The following HACL1 variants were observed in gnomAD, a reference collection of about 807,000 sequenced individuals.
HACL1 encodes the protein 1600020H07Rik.
A neutral mutation model predicts 74.2 loss-of-function variants in HACL1; 64 were observed. That is an observed-to-expected ratio of 0.86 (90% CI 0.70 to 1.06). HACL1 has a LOEUF of 1.06. Ranked by LOEUF, HACL1 falls within the 50% of genes least tolerant of loss-of-function variation. The pLI, the probability that HACL1 is intolerant of heterozygous loss-of-function variation, is 0.00. For synonymous variants in HACL1, 230 were observed against 238.8 expected (o/e 0.96, Z 0.34); for missense variants, 728 against 719.7 (o/e 1.01, Z -0.13).
chr3:15,596,976 G>C (rs2064078400), intron 2 of HACL1, among the ~76,000 whole-genome samples: 1 of 152,032 alleles, frequency 6.6e-6, no homozygotes, highest in Non-Finnish European at 1.5e-5. Flanking sequence ...TGTTTAAAAT[G>C]ATTCCAAGAA....
intron 2 of HACL1, among the ~76,000 whole-genome samples, chr3:15,600,465 G>A (rs539335659): frequency 2.7e-4 from 41 of 152,344 alleles, no homozygotes; most frequent in Non-Finnish European, 4.9e-4. Context: ...TTGACAAAAC[G>A]TCGTATCTTC....
intron 8 of HACL1, 44 bp from the exon 9 acceptor site, chr3:15,580,089 G>C (rs1281323716): frequency 1.3e-6 from 2 of 1,533,034 alleles, no homozygotes; most frequent in African/African-American, 1.4e-5. Context: ...TTAAGCTATA[G>C]GCACTGTGAC....
chr3:15,570,397 T>C (rs1014265211), intron 12 of HACL1, among the ~76,000 whole-genome samples: 2 of 151,702 alleles, frequency 1.3e-5, no homozygotes, highest in African/African-American at 2.4e-5. Flanking sequence ...AATTCTGCTA[T>C]AATGTTTGAT....
chr3:15,593,666 T>C (rs911620199), intron 3 of HACL1, among the ~76,000 whole-genome samples: 1 of 152,212 alleles, frequency 6.6e-6, no homozygotes, highest in African/African-American at 2.4e-5. Flanking sequence ...GACTGCTGAG[T>C]TCATTTTTGT....
At chr3:15,598,889 T>G (rs2064124366) in intron 2 of HACL1, among the ~76,000 whole-genome samples, 1 of 152,188 alleles carries the variant, frequency 6.6e-6, no homozygotes. Context: ...AATGCATGTG[T>G]TCAAAATTGA....
chr3:15,567,343 G>A (rs551417567), intron 14 of HACL1, among the ~76,000 whole-genome samples: 1 of 151,098 alleles, frequency 6.6e-6, no homozygotes, highest in South Asian at 2.1e-4. Context: ...CCGAGTAGCT[G>A]GGATTACAGG....
rs145656049 is a variant in HACL1 at position 15,579,495 on chromosome 3, G to A, written c.803+415C>T. 8.7e-4 allele frequency among the ~76,000 whole-genome samples: 132 copies of A among 152,182 alleles called. 1 individual carries two copies. Among genetic ancestry groups the A allele is most frequent in the Admixed American group, 1.4e-3 (22 of 15,288 alleles). On this transcript the variant is annotated intron_variant, in intron 9 of 16. Coordinates refer to ENST00000321169, the MANE Select transcript of HACL1 (RefSeq NM_012260.4). ...GTCAGACAGTATCAAAATGGATGAA[G>A]GTTGACATAGAAAAAATATTTGAAG... is the stretch of plus-strand genomic sequence containing the variant.
At chr3:15,575,229 A>G in intron 9 of HACL1, 147 bp from the exon 10 acceptor site, 1 of 496,784 alleles carries the variant, frequency 2.0e-6, no homozygotes, top group Non-Finnish European at 3.7e-6. Flanking sequence ...TGATCTTTCA[A>G]GCTAAAATAA....
intron 11 of HACL1, among the ~76,000 whole-genome samples, 163 bp from the exon 12 acceptor site, chr3:15,571,932 C>T (rs1258648215): frequency 6.8e-6 from 1 of 147,850 alleles, no homozygotes; most frequent in Admixed American, 6.9e-5. Flanking sequence ...CTCTGTCTCC[C>T]AGGTTCAAGC....
intron 5 of HACL1, among the ~76,000 whole-genome samples, chr3:15,586,827 G>A (rs1574934065): frequency 1.3e-5 from 2 of 152,112 alleles, no homozygotes; most frequent in African/African-American, 4.8e-5. Context: ...TGGCAAAGAT[G>A]CAAAAGTCTG....
At chr3:15,595,473 A>G (rs1217540993) in intron 3 of HACL1, among the ~76,000 whole-genome samples, 1 of 152,188 alleles carries the variant, frequency 6.6e-6, no homozygotes, top group African/African-American at 2.4e-5. Context: ...ATATGTGAAA[A>G]AAGTATGATA....
intron 2 of HACL1, among the ~76,000 whole-genome samples, chr3:15,600,083 T>C (rs1038467111): frequency 6.6e-6 from 1 of 151,044 alleles, no homozygotes; most frequent in Non-Finnish European, 1.5e-5. Context: ...AGAATGTCAT[T>C]CAATAAAGAA....
rs564367305 is a variant in HACL1 at position 15,588,396 on chromosome 3, C to T, written c.381+1144G>A. Among the ~76,000 whole-genome samples the T allele has an allele frequency of 2.6e-5, 4 of 152,006 alleles. No homozygotes were observed. In the South Asian group the frequency reaches 8.3e-4, roughly 31 times the overall value. Reference sequence around the variant, plus strand: ...TCACTTGAGGTCAGGAGTTCAAGACCAGCCTGGGCACCATGGCAAAACACT... The same window carrying T: ...TCACTTGAGGTCAGGAGTTCAAGACTAGCCTGGGCACCATGGCAAAACACT... On this transcript the variant is annotated intron_variant, in intron 5 of 16. Transcript: ENST00000321169.
chr3:15,592,158 A>G (rs2063924769), intron 3 of HACL1, among the ~76,000 whole-genome samples: 1 of 150,206 alleles, frequency 6.7e-6, no homozygotes, highest in Non-Finnish European at 1.5e-5. Context: ...ACATACGTAT[A>G]TACGTATACA....
At chr3:15,585,124 A>G (rs1559556818) in intron 7 of HACL1, 124 bp downstream of exon 7, 9 of 534,910 alleles carry the variant, frequency 1.7e-5, no homozygotes, top group Non-Finnish European at 2.4e-5. Context: ...TTTAATTACT[A>G]AATAATCAAG....
intron 14 of HACL1, among the ~76,000 whole-genome samples, chr3:15,566,082 T>G (rs1342111906): frequency 6.6e-6 from 1 of 152,190 alleles, no homozygotes. Context: ...AGGAAGGTCC[T>G]GGAACCAATC....
intron 3 of HACL1, among the ~76,000 whole-genome samples, chr3:15,594,073 A>G (rs908766977): frequency 2.6e-5 from 4 of 152,150 alleles, no homozygotes; most frequent in African/African-American, 9.6e-5. Flanking sequence ...TGCTGGGATT[A>G]CAGGCATGAG....
chr3:15,592,487 T>G lies in HACL1; in HGVS notation c.228-807A>C, dbSNP rs889773368. Among the ~76,000 whole-genome samples the G allele has an allele frequency of 2.3e-4, 29 of 125,198 alleles. 6 individuals are homozygous for G. In the East Asian group the frequency reaches 6.1e-3, roughly 26 times the overall value. The allele number at this position is 125,198 out of a possible 152,430, so 82.1% of individuals were successfully genotyped here. A position where few individuals can be genotyped will look rare whatever the true frequency, so the allele number is the denominator to read the frequency against. On this transcript the variant is annotated intron_variant, in intron 3 of 16. Transcript: ENST00000321169. ...ACATACACACACGTATACATACACT[T>G]GTATACATATACACTTGTATATACA... is the stretch of plus-strand genomic sequence containing the variant.
intron 12 of HACL1, 149 bp downstream of exon 12, chr3:15,571,519 C>A: frequency 1.5e-6 from 1 of 652,756 alleles, no homozygotes; most frequent in Non-Finnish European, 2.7e-6. Flanking sequence ...AGTTGTGCCA[C>A]TAAATCCCTT....
Sources: allele counts gnomAD v4.1 joint callset (sites outside exome capture counted in the v4.1 genomes callset), GRCh38; gene constraint gnomAD v4.1.1; transcripts MANE v1.5; gene names NCBI Gene and HGNC (gene_info 2026-07-23, HGNC 2026-07-21).